The following NET1 variants were observed in gnomAD, a reference collection of about 807,000 sequenced individuals.
NET1 encodes neuroepithelial cell transforming 1, also known as neuroepithelial cell-transforming gene 1 protein.
Under a neutral mutation model 61.1 loss-of-function variants are expected in NET1, and 42 were observed. That is an observed-to-expected ratio of 0.69 (90% CI 0.54 to 0.89). The LOEUF is 0.89. NET1 is among the 40% of genes least tolerant of loss of function. The pLI is 0.00. For synonymous variants in NET1, 254 were observed against 281.8 expected (o/e 0.90, Z 0.99); for missense variants, 654 against 747.3 (o/e 0.88, Z 1.46).
Position 5,435,838 on chromosome 10 carries a change from G to A in NET1, c.255+6609G>A, listed in dbSNP as rs1261558432. ...TGTCTTACTAGGCTGACTTACTTCT[G>A]TATTATATATACAATTATTCATTTT... On this transcript the variant is annotated intron_variant, in intron 3 of 11. Coordinates refer to ENST00000355029, the MANE Select transcript of NET1 (RefSeq NM_001047160.3). This position sits in a 1 kb window ranked among gnomAD's most constrained non-coding sequence, Gnocchi z 5.0. Among the ~76,000 whole-genome samples the A allele has an allele frequency of 6.6e-6, 1 of 151,960 alleles. No homozygotes were observed. Among genetic ancestry groups the A allele is most frequent in the South Asian group, 2.1e-4 (1 of 4,816 alleles).
chr10:5,427,141 A>T lies in NET1; in HGVS notation c.195+420A>T, dbSNP rs538738288. 6.4e-4 allele frequency among the ~76,000 whole-genome samples: 98 copies of T among 152,088 alleles called. 2 individuals carry two copies. In the South Asian group the frequency reaches 0.011, roughly 17 times the overall value. On this transcript the variant is annotated intron_variant, in intron 2 of 11. Transcript: ENST00000355029. The surrounding 1 kb of genome is among the most constrained non-coding windows in gnomAD (Gnocchi z 4.1). ...AATGAATGATTTTCTGCTATTAATC[A>T]TCTCAGCATAGAGGGACTCTATTAT...
chr10:5,428,879 C>T (rs1456631013), intron 2 of NET1, among the ~76,000 whole-genome samples: 4 of 135,412 alleles, frequency 3.0e-5, no homozygotes, highest in Admixed American at 1.6e-4. Context: ...TGTGTCACCA[C>T]GCGCAGCTAA....
At position 5,456,252 on chromosome 10, in the gene NET1, GC is replaced by G. The variant is rs1355602724; in HGVS notation, c.1364del (p.Ala455ValfsTer93). 6.2e-7 allele frequency: 1 copy of G among 1,611,784 alleles called. No homozygotes were observed. Among genetic ancestry groups the G allele is most frequent in the Non-Finnish European group, 8.5e-7 (1 of 1,179,264 alleles). ...DVRMGGSFRG[A>X]FSNSEKAKNI... is the part of the protein sequence containing the mutation. Reference sequence around the variant, plus strand: ...GAGAATGGGAGGCTCCTTTCGAGGAGCTTTCAGTAACTCAGAGAAAGGTAAA... The same window carrying G: ...GAGAATGGGAGGCTCCTTTCGAGGAGTTTCAGTAACTCAGAGAAAGGTAAA... On this transcript the variant is annotated frameshift_variant, in exon 11 of 12. Coordinates refer to ENST00000355029, the MANE Select transcript of NET1 (RefSeq NM_001047160.3). LOFTEE classifies it low-confidence loss of function (END_TRUNC). The surrounding 1 kb of genome is among the most constrained non-coding windows in gnomAD (Gnocchi z 7.0).
At position 5,446,831 on chromosome 10, in the gene NET1, C is replaced by T; in HGVS notation, c.256-4999C>T. ...AAAGGACCATACGAGTCCTAGATGT[C>T]AATAACCAGTCCTTCAGAGAACAAG... On this transcript the variant is annotated intron_variant, in intron 3 of 11. Coordinates refer to ENST00000355029, the MANE Select transcript of NET1 (RefSeq NM_001047160.3). The surrounding 1 kb of genome is among the most constrained non-coding windows in gnomAD (Gnocchi z 5.0). The T allele has an allele frequency of 1.9e-6, 3 of 1,611,588 alleles. No homozygotes were observed. In the South Asian group the frequency reaches 3.3e-5, roughly 18 times the overall value.
At position 5,412,765 on chromosome 10, in the gene NET1, A is replaced by G; in HGVS notation, c.73A>G (p.Thr25Ala). 1 of 1,469,270 alleles carries G rather than the reference A, an allele frequency of 6.8e-7. No homozygotes were observed. The highest frequency in any genetic ancestry group is 1.3e-5 in the South Asian group (1 of 76,262). The allele number at this position is 1,469,270 out of a possible 1,614,324, so 91.0% of individuals were successfully genotyped here. Residue 25 changes from threonine (T) to alanine (A), a missense_variant, in exon 1 of 12, where the codon ACG (threonine) becomes GCG (alanine). Physicochemically the swap from Thr to Ala is moderately conservative, Grantham distance 58. Transcript: ENST00000355029. This position sits in a 1 kb window ranked among gnomAD's most constrained non-coding sequence, Gnocchi z 6.5. ...RRSRRASGLS[T>A]EGATGPSADT... Reference sequence around the variant, plus strand: ...AAGCCGCCGGGCCTCTGGGCTCAGCACGGAGGGAGCGACGGGGCCTTCGGC... The same window carrying G: ...AAGCCGCCGGGCCTCTGGGCTCAGCGCGGAGGGAGCGACGGGGCCTTCGGC...
chr10:5,429,281 AT>A, intron 3 of NET1, 52 bp downstream of exon 3: 2 of 1,311,864 alleles, frequency 1.5e-6, no homozygotes, highest in Non-Finnish European at 2.1e-6. Context: ...TGCAGATAGC[AT>A]TTTATTTCTG....
intron 3 of NET1, among the ~76,000 whole-genome samples, chr10:5,429,688 G>A (rs904198578): frequency 3.3e-5 from 5 of 152,116 alleles, no homozygotes; most frequent in African/African-American, 1.2e-4. Flanking sequence ...GTCATATGTG[G>A]CCCATGGGCT....
rs997663232 is a variant in NET1, at chr10:5,457,077, A to G, written c.*83A>G. On this transcript the variant is annotated 3_prime_UTR_variant, in exon 12 of 12. Transcript: ENST00000355029. This position sits in a 1 kb window ranked among gnomAD's most constrained non-coding sequence, Gnocchi z 5.4. The stretch of plus-strand genomic sequence containing the variant: ...TTTGTTTTCTCGTAAGGGGAGCATC[A>G]TAGGGTTACTTTATACCAGTTGTAA... 14 of 1,369,342 alleles carry G rather than the reference A, an allele frequency of 1.0e-5. No individual in the cohort carries two copies. In the African/African-American group the frequency reaches 2.0e-4, roughly 20 times the overall value. 84.8% of individuals were successfully genotyped at this position (1,369,342 alleles called of 1,614,324 possible). A position where few individuals can be genotyped will look rare whatever the true frequency, so the allele number is the denominator to read the frequency against.
chr10:5,412,770 G>A lies in NET1; in HGVS notation c.78G>A (p.Glu26=). ...RSRRASGLST[E]GATGPSADTS... is the part of the protein sequence containing the mutation. The stretch of plus-strand genomic sequence containing the variant: ...GCCGGGCCTCTGGGCTCAGCACGGA[G>A]GGAGCGACGGGGCCTTCGGCCGACA... The change falls in exon 1 of 12, where the codon GAG becomes GAA. Residue 26 remains glutamate, a synonymous_variant. Transcript: ENST00000355029. The surrounding 1 kb of genome is among the most constrained non-coding windows in gnomAD (Gnocchi z 6.5). 1 of 1,466,602 alleles carries A rather than the reference G, an allele frequency of 6.8e-7. No individual in the cohort carries two copies. The allele number at this position is 1,466,602 out of a possible 1,614,324, so 90.8% of individuals were successfully genotyped here. A position where few individuals can be genotyped will look rare whatever the true frequency, so the allele number is the denominator to read the frequency against.
At chr10:5,433,363 G>A (rs573671259) in intron 3 of NET1, among the ~76,000 whole-genome samples, 36 of 152,218 alleles carry the variant, frequency 2.4e-4, no homozygotes, top group African/African-American at 7.9e-4. Context: ...AGCTGCCTTC[G>A]TAAACACTGC....
intron 3 of NET1, among the ~76,000 whole-genome samples, chr10:5,442,117 A>G (rs1355322928): frequency 1.3e-5 from 2 of 152,352 alleles, no homozygotes; most frequent in East Asian, 3.8e-4. Flanking sequence ...ACAAAGACTG[A>G]AAATACAGAT....
In NET1 at chr10:5,422,214, G is replaced by A. The variant is rs1832185974; in HGVS notation, c.129-4441G>A. On this transcript the variant is annotated intron_variant, in intron 1 of 11. Coordinates refer to ENST00000355029, the MANE Select transcript of NET1 (RefSeq NM_001047160.3). This position sits in a 1 kb window ranked among gnomAD's most constrained non-coding sequence, Gnocchi z 4.1. ...TAGCTGGGCATGGTGGCGTGCCCCT[G>A]TAATCCTAGCTACTCGGGAGATTGA... Among the ~76,000 whole-genome samples, 1 of 152,054 alleles carries A rather than the reference G, an allele frequency of 6.6e-6. No homozygotes were observed. Among genetic ancestry groups the A allele is most frequent in the Non-Finnish European group, 1.5e-5 (1 of 68,022 alleles).
In NET1 at chr10:5,452,834, C is replaced by G. The variant is rs372650858; in HGVS notation, c.532-24C>G. 222 of 1,606,236 alleles carry G rather than the reference C, an allele frequency of 1.4e-4. No homozygotes were observed. In the African/African-American group the frequency reaches 2.5e-3, roughly 18 times the overall value. On this transcript the variant is annotated intron_variant, in intron 5 of 11. Coordinates refer to ENST00000355029, the MANE Select transcript of NET1 (RefSeq NM_001047160.3). The surrounding 1 kb of genome is among the most constrained non-coding windows in gnomAD (Gnocchi z 4.0). ...TTTTCCTTTCTCGAAGGAATGACCT[C>G]TGATGTTTGCTGGATGTTTTTAGGC...
intron 3 of NET1, among the ~76,000 whole-genome samples, chr10:5,442,222 T>C (rs1450661345): frequency 6.6e-6 from 1 of 152,228 alleles, no homozygotes; most frequent in Non-Finnish European, 1.5e-5. Context: ...GAAAAACAGG[T>C]TGACAATTGC....
At position 5,446,798 on chromosome 10, in the gene NET1, A is replaced by G. The variant is rs1199866735; in HGVS notation, c.256-5032A>G. Reference sequence around the variant, plus strand: ...CACATGATGAGACTGGAGGTCTCCTACCTATTAAAAGGACCATACGAGTCC... The same window carrying G: ...CACATGATGAGACTGGAGGTCTCCTGCCTATTAAAAGGACCATACGAGTCC... On this transcript the variant is annotated intron_variant, in intron 3 of 11. Coordinates refer to ENST00000355029, the MANE Select transcript of NET1 (RefSeq NM_001047160.3). The surrounding 1 kb of genome is among the most constrained non-coding windows in gnomAD (Gnocchi z 5.0). The G allele has an allele frequency of 6.2e-7, 1 of 1,611,326 alleles. No individual in the cohort carries two copies.
In NET1 at chr10:5,435,204, AG is replaced by A. The variant is rs1480950929; in HGVS notation, c.255+5979del. On this transcript the variant is annotated intron_variant, in intron 3 of 11. Coordinates refer to ENST00000355029, the MANE Select transcript of NET1 (RefSeq NM_001047160.3). This position sits in a 1 kb window ranked among gnomAD's most constrained non-coding sequence, Gnocchi z 5.0. ...CAATTCCATATATGAATGGAGGAAT[AG>A]GGGAGGAAATGAGGATAAGTGACAT... Among the ~76,000 whole-genome samples, 5 of 152,346 alleles carry A rather than the reference AG, an allele frequency of 3.3e-5. No homozygotes were observed. The highest frequency in any genetic ancestry group is 1.2e-4 in the African/African-American group (5 of 41,576).
rs2119203609 is a variant in NET1 at position 5,446,654 on chromosome 10, C to G, written c.256-5176C>G. 7.6e-7 allele frequency: 1 copy of G among 1,313,388 alleles called. No homozygotes were observed. The highest frequency in any genetic ancestry group is 2.8e-5 in the East Asian group (1 of 35,490). The allele number at this position is 1,313,388 out of a possible 1,614,324, so 81.4% of individuals were successfully genotyped here. A position where few individuals can be genotyped will look rare whatever the true frequency, so the allele number is the denominator to read the frequency against. On this transcript the variant is annotated intron_variant, in intron 3 of 11. Coordinates refer to ENST00000355029, the MANE Select transcript of NET1 (RefSeq NM_001047160.3). This position sits in a 1 kb window ranked among gnomAD's most constrained non-coding sequence, Gnocchi z 5.0. ...GGCGAGAGGCATGGGCACGTGGCTGCCGAGGGTGGCCGAGCTCTGGGAAGA... is the reference window on the plus strand; with the variant it reads ...GGCGAGAGGCATGGGCACGTGGCTGGCGAGGGTGGCCGAGCTCTGGGAAGA...
At chr10:5,448,453 T>G (rs1832651870) in intron 3 of NET1, among the ~76,000 whole-genome samples, 1 of 152,230 alleles carries the variant, frequency 6.6e-6, no homozygotes, top group African/African-American at 2.4e-5. Context: ...TACCCTGATC[T>G]GTGGACAGAT....
chr10:5,413,510 G>C (rs1429140125), intron 1 of NET1, among the ~76,000 whole-genome samples: 1 of 151,824 alleles, frequency 6.6e-6, no homozygotes, highest in East Asian at 1.9e-4. Flanking sequence ...AAGCTCAGGG[G>C]ATAGCTAGTG....
Sources: allele counts gnomAD v4.1 joint callset (sites outside exome capture counted in the v4.1 genomes callset), GRCh38; gene constraint gnomAD v4.1.1; non-coding constraint Gnocchi (gnomAD v3.1); transcripts MANE v1.5; gene names NCBI Gene and HGNC (gene_info 2026-07-23, HGNC 2026-07-21).